IGFBP7: variants seen among roughly 807,000 people sequenced by gnomAD.
IGFBP7 encodes insulin like growth factor binding protein 7.
IGFBP7 carries 31 observed loss-of-function variants against 29.4 expected under a neutral mutation model. The observed-to-expected ratio is 1.05, with a 90% CI of 0.79 to 1.42. IGFBP7 has a LOEUF of 1.42. IGFBP7 is among the 40% of genes most tolerant of loss of function. The pLI, the probability that IGFBP7 is intolerant of heterozygous loss-of-function variation, is 0.00. For synonymous variants in IGFBP7, 172 were observed against 174.9 expected, an observed-to-expected ratio of 0.98 and a Z score of 0.13; for missense variants, 393 against 395.5, an observed-to-expected ratio of 0.99 and a Z score of 0.05.
rs1428005481 is a variant in IGFBP7, at chr4:57,110,222, G to A, written c.130C>T (p.Pro44Ser). The change falls in exon 1 of 5, where the codon CCC (proline) becomes TCC (serine). Residue 44 changes from proline (P) to serine (S), a missense_variant. Pro to Ser is a moderately conservative substitution (Grantham distance 74, BLOSUM62 -1). Transcript: ENST00000295666. ...PCEPASCPPL[P>S]PLGCLLGETR... ...TCGCCCAGCAGGCAGCCCAGCGGGG[G>A]CAGGGGCGGGCAGGAGGCCGGCTCG... is the stretch of plus-strand genomic sequence containing the variant. The A allele has an allele frequency of 7.3e-7, 1 of 1,377,314 alleles. No individual in the cohort carries two copies. Among genetic ancestry groups the A allele is most frequent in the Non-Finnish European group, 9.3e-7 (1 of 1,070,204 alleles). 85.3% of individuals were successfully genotyped at this position (1,377,314 alleles called of 1,614,324 possible). A position where few individuals can be genotyped will look rare whatever the true frequency, so the allele number is the denominator to read the frequency against.
intron 1 of IGFBP7, among the ~76,000 whole-genome samples, chr4:57,062,712 T>A (rs1724827620): frequency 6.6e-6 from 1 of 152,236 alleles, no homozygotes; most frequent in Non-Finnish European, 1.5e-5. Context: ...TTGCAAATCA[T>A]TAAAAAGATG....
intron 1 of IGFBP7, among the ~76,000 whole-genome samples, chr4:57,050,210 G>A (rs1724468276): frequency 6.6e-6 from 1 of 150,496 alleles, no homozygotes. Context: ...TTCACATTAT[G>A]GTTCTCACTG....
chr4:57,070,637 T>C (rs573725407), intron 1 of IGFBP7, among the ~76,000 whole-genome samples: 1 of 152,326 alleles, frequency 6.6e-6, no homozygotes, highest in Admixed American at 6.5e-5. Flanking sequence ...GATGTAAGGC[T>C]CTCAATCTCT....
intron 1 of IGFBP7, among the ~76,000 whole-genome samples, chr4:57,066,079 G>T (rs1166513377): frequency 6.6e-6 from 1 of 152,160 alleles, no homozygotes; most frequent in Non-Finnish European, 1.5e-5. Flanking sequence ...GGTGGCATGG[G>T]TCTTCCATCC....
intron 3 of IGFBP7, 108 bp from the exon 4 acceptor site, chr4:57,032,660 A>T: frequency 1.1e-6 from 1 of 874,564 alleles, no homozygotes; most frequent in South Asian, 1.3e-5. Context: ...CAGGGGATTC[A>T]TAGCAAAGGT....
chr4:57,049,045 T>C (rs1287861767), intron 1 of IGFBP7, among the ~76,000 whole-genome samples: 1 of 152,228 alleles, frequency 6.6e-6, no homozygotes, highest in African/African-American at 2.4e-5. Flanking sequence ...TGTCTGGGTC[T>C]GGAGCTCTCA....
intron 2 of IGFBP7, among the ~76,000 whole-genome samples, chr4:57,038,384 A>G (rs11573122): frequency 6.6e-6 from 1 of 152,190 alleles, no homozygotes; most frequent in Non-Finnish European, 1.5e-5. Context: ...TATTGAGAGC[A>G]AAGAGTCAAG....
intron 1 of IGFBP7, among the ~76,000 whole-genome samples, chr4:57,078,428 G>A (rs1238522647): frequency 6.6e-6 from 1 of 151,812 alleles, no homozygotes; most frequent in East Asian, 1.9e-4. Flanking sequence ...CACTGCACAA[G>A]TAAACTACTT....
chr4:57,040,409 G>A (rs1724192230), intron 2 of IGFBP7, among the ~76,000 whole-genome samples: 1 of 152,152 alleles, frequency 6.6e-6, no homozygotes, highest in Non-Finnish European at 1.5e-5. Flanking sequence ...ACAGCTTGGT[G>A]GGGGCTTGGA....
At position 57,090,773 on chromosome 4, in the gene IGFBP7, G is replaced by A. The variant is rs371944077; in HGVS notation, c.475+19104C>T. Among the ~76,000 whole-genome samples the A allele has an allele frequency of 1.4e-4, 21 of 152,200 alleles. 1 individual carries two copies. In the East Asian group the frequency reaches 2.1e-3, roughly 15 times the overall value. On this transcript the variant is annotated intron_variant, in intron 1 of 4. Transcript: ENST00000295666. ...TGAGGTGGGACAATTGCTTGAACCCGGGAGGCAGAGGTTGGCAGTGAGCTG... is the reference window on the plus strand; with the variant it reads ...TGAGGTGGGACAATTGCTTGAACCCAGGAGGCAGAGGTTGGCAGTGAGCTG...
At chr4:57,072,849 C>A in intron 1 of IGFBP7, 1 of 615,974 alleles carries the variant, frequency 1.6e-6, no homozygotes, top group Non-Finnish European at 3.1e-6. Flanking sequence ...CTAGAGCTCC[C>A]CAGGGGCTAC....
intron 1 of IGFBP7, chr4:57,073,234 GTATTATTA>G: frequency 1.9e-6 from 1 of 527,150 alleles, no homozygotes; most frequent in East Asian, 3.7e-5. Context: ...TTGAGCTGTG[GTATTATTA>G]TTATTATTAT....
At chr4:57,097,088 A>G (rs1470193503) in intron 1 of IGFBP7, among the ~76,000 whole-genome samples, 3 of 152,204 alleles carry the variant, frequency 2.0e-5, no homozygotes, top group Non-Finnish European at 4.4e-5. Flanking sequence ...TGAACCATCC[A>G]ACAAAAATTA....
intron 4 of IGFBP7, 146 bp downstream of exon 4, chr4:57,032,280 A>G: frequency 6.9e-7 from 1 of 1,445,838 alleles, no homozygotes; most frequent in Non-Finnish European, 9.1e-7. Context: ...CATGCTGTAC[A>G]TTTTAATGGC....
chr4:57,066,507 G>C (rs1210219724), intron 1 of IGFBP7, among the ~76,000 whole-genome samples: 3 of 152,110 alleles, frequency 2.0e-5, no homozygotes, highest in African/African-American at 7.2e-5. Flanking sequence ...ATTTTAGGCT[G>C]CTAAGTTTTG....
rs749457951 is a variant in IGFBP7 at position 57,032,477 on chromosome 4, A to T, written c.778T>A (p.Ser260Thr). 6.2e-7 allele frequency: 1 copy of T among 1,614,052 alleles called. No homozygotes were observed. The highest frequency in any genetic ancestry group is 8.5e-7 in the Non-Finnish European group (1 of 1,179,924). ...GCATCAACCACTGTAATTTTTGCTGATGCTGAAGCCTGTCCTTGGGAATTG... is the reference window on the plus strand; with the variant it reads ...GCATCAACCACTGTAATTTTTGCTGTTGCTGAAGCCTGTCCTTGGGAATTG... Reference protein sequence around the residue: ...ASNSQGQASASAKITVVDALH... With the variant: ...ASNSQGQASATAKITVVDALH... The change falls in exon 4 of 5, where the codon TCA (serine) becomes ACA (threonine). Residue 260 changes from serine (S) to threonine (T), a missense_variant. By Grantham distance (58) the Ser-to-Thr change is moderately conservative. Transcript: ENST00000295666.
intron 1 of IGFBP7, among the ~76,000 whole-genome samples, chr4:57,102,309 G>A (rs922865348): frequency 6.6e-6 from 1 of 152,146 alleles, no homozygotes; most frequent in South Asian, 2.1e-4. Flanking sequence ...GATGGAAATC[G>A]TATTTCAGGA....
intron 1 of IGFBP7, among the ~76,000 whole-genome samples, chr4:57,045,986 A>C (rs1368188895): frequency 6.6e-6 from 1 of 152,150 alleles, no homozygotes; most frequent in Non-Finnish European, 1.5e-5. Context: ...TCAGTCTCCC[A>C]AAGTGCTGGG....
At chr4:57,066,156 C>T (rs999786727) in intron 1 of IGFBP7, among the ~76,000 whole-genome samples, 1 of 152,222 alleles carries the variant, frequency 6.6e-6, no homozygotes, top group Non-Finnish European at 1.5e-5. Context: ...GTGGTCTGTA[C>T]TTAGTGACTT....
Sources: allele counts gnomAD v4.1 joint callset (sites outside exome capture counted in the v4.1 genomes callset), GRCh38; gene constraint gnomAD v4.1.1; transcripts MANE v1.5; gene names NCBI Gene and HGNC (gene_info 2026-07-23, HGNC 2026-07-21).